Variants in EIF4G3 observed in about 807,000 individuals in gnomAD.
EIF4G3 encodes the protein eIF-4-gamma 3.
EIF4G3 carries 34 observed loss-of-function variants against 186.4 expected under a neutral mutation model. The ratio of observed to expected loss-of-function variants is 0.18; its 90% confidence interval spans 0.14 to 0.24. The LOEUF (loss-of-function observed/expected upper bound fraction) is 0.24. EIF4G3 is among the 10% of genes least tolerant of loss of function. The pLI is 1.00. For synonymous variants in EIF4G3, 673 were observed against 679.5 expected (o/e 0.99, Z 0.15); for missense variants, 1,536 against 1,948.5 (o/e 0.79, Z 3.99).
chr1:20,882,359 C>T (rs34383604), intron 19 of EIF4G3, among the ~76,000 whole-genome samples: 4,250 of 152,214 alleles, frequency 0.028, 91 homozygotes, highest in Middle Eastern at 0.051. Flanking sequence ...GTGGCTCACG[C>T]CTGTAATCCC....
chr1:21,013,561 G>A (rs541511467), intron 4 of EIF4G3, among the ~76,000 whole-genome samples: 1 of 152,182 alleles, frequency 6.6e-6, no homozygotes, highest in African/African-American at 2.4e-5. Flanking sequence ...GATGGGAAGA[G>A]TGGCTTAGTT....
At chr1:21,132,910 G>C (rs2097179331) in intron 2 of EIF4G3, among the ~76,000 whole-genome samples, 1 of 151,902 alleles carries the variant, frequency 6.6e-6, no homozygotes, top group African/African-American at 2.4e-5. Context: ...AGCCTCCCGA[G>C]TATCTAAAAT....
chr1:20,875,174 G>A (rs2080399438), intron 20 of EIF4G3, among the ~76,000 whole-genome samples: 1 of 152,112 alleles, frequency 6.6e-6, no homozygotes, highest in Non-Finnish European at 1.5e-5. Flanking sequence ...TGTAGAGTCA[G>A]AGTCTCATTA....
At chr1:21,069,420 T>C (rs1275181572) in intron 3 of EIF4G3, among the ~76,000 whole-genome samples, 2 of 152,230 alleles carry the variant, frequency 1.3e-5, no homozygotes, top group East Asian at 3.8e-4. Flanking sequence ...ATCACCATCT[T>C]GCCTGGTAAA....
At position 20,969,502 on chromosome 1, in the gene EIF4G3, CT is replaced by C; in HGVS notation, c.685del (p.Arg229AspfsTer56). The C allele has an allele frequency of 1.2e-6, 2 of 1,613,920 alleles. No homozygotes were observed. Among genetic ancestry groups the C allele is most frequent in the Non-Finnish European group, 1.7e-6 (2 of 1,179,874 alleles). ...AGGAGGAGTAGGTGTGGACGTGGGTCTTCCTATGGGTGGAGTAGGATTTCTG... is the reference window on the plus strand; with the variant it reads ...AGGAGGAGTAGGTGTGGACGTGGGTCTCCTATGGGTGGAGTAGGATTTCTG... ...GSRNPTPPIG[R>X]PTSTPTPPQQ... On this transcript the variant is annotated frameshift_variant, in exon 12 of 37. Transcript: ENST00000602326. LOFTEE classifies it high-confidence loss of function.
chr1:20,892,661 T>C, intron 18 of EIF4G3: 2 of 1,536,068 alleles, frequency 1.3e-6, no homozygotes, highest in African/African-American at 2.7e-5. Context: ...ACATCACCAG[T>C]GGAGGGCAAG....
In EIF4G3 at chr1:20,950,036, T is replaced by C; in HGVS notation, c.790A>G (p.Thr264Ala). Residue 264 changes from threonine (T) to alanine (A), a missense_variant, in exon 13 of 37, where the codon ACC (threonine) becomes GCC (alanine). Thr to Ala is a moderately conservative substitution (Grantham distance 58). Transcript: ENST00000602326. ...TGGTCGCTAGCTGCAGTGACAGGGG[T>C]GCTGGCAGCAAGATGAGCGCTCTCC... ...TVESAHLAAS[T>A]PVTAASDQKQ... The C allele has an allele frequency of 6.2e-7, 1 of 1,613,456 alleles. No homozygotes were observed. The highest frequency in any genetic ancestry group is 8.5e-7 in the Non-Finnish European group (1 of 1,179,700).
At chr1:20,896,590 T>C (rs761627342) in intron 16 of EIF4G3, among the ~76,000 whole-genome samples, 20 of 152,098 alleles carry the variant, frequency 1.3e-4, no homozygotes, top group Non-Finnish European at 2.6e-4. Context: ...TAAGCTAAGA[T>C]TAATTCATTA....
intron 3 of EIF4G3, among the ~76,000 whole-genome samples, chr1:21,051,335 T>A (rs542611961): frequency 6.6e-6 from 1 of 151,926 alleles, no homozygotes; most frequent in African/African-American, 2.4e-5. Flanking sequence ...AAATAAATGG[T>A]TGAAAGAGGA....
intron 33 of EIF4G3, among the ~76,000 whole-genome samples, chr1:20,823,376 GTTTA>G (rs2062857739): frequency 6.6e-6 from 1 of 151,840 alleles, no homozygotes; most frequent in Non-Finnish European, 1.5e-5. Context: ...TGTGGCTTTT[GTTTA>G]TTTATTTTAT....
In EIF4G3 at chr1:20,864,051, C is replaced by T. The variant is rs142038786; in HGVS notation, c.3006+425G>A. ...ATTTCTATACCCCTTAAATAGCATA[C>T]ATTATTACAGTATTTTTAATGATTT... On this transcript the variant is annotated intron_variant, in intron 22 of 36. Coordinates refer to ENST00000602326, the MANE Select transcript of EIF4G3 (RefSeq NM_001391906.1). 5.4e-3 allele frequency among the ~76,000 whole-genome samples: 816 copies of T among 152,218 alleles called. 8 individuals are homozygous for T. The highest frequency in any genetic ancestry group is 0.019 in the African/African-American group (783 of 41,522).
intron 2 of EIF4G3, among the ~76,000 whole-genome samples, chr1:21,123,291 G>A (rs944083311): frequency 1.3e-5 from 2 of 151,942 alleles, no homozygotes; most frequent in African/African-American, 2.4e-5. Context: ...GGCCAGATGC[G>A]GTGGCTCAAG....
intron 2 of EIF4G3, chr1:21,111,643 T>TA (rs1458274676): frequency 1.2e-5 from 3 of 254,282 alleles, no homozygotes; most frequent in East Asian, 1.8e-4. Flanking sequence ...GCATGTGAGA[T>TA]AGATATATAC....
chr1:21,053,562 C>T (rs1341604335), intron 3 of EIF4G3, among the ~76,000 whole-genome samples: 2 of 147,112 alleles, frequency 1.4e-5, no homozygotes, highest in African/African-American at 5.0e-5. Context: ...CAGCCCCCCG[C>T]CCGGCCAGCC....
intron 3 of EIF4G3, among the ~76,000 whole-genome samples, chr1:21,079,804 G>A (rs1401467949): frequency 2.0e-5 from 3 of 149,728 alleles, no homozygotes; most frequent in Admixed American, 2.0e-4. Flanking sequence ...CCTGACATTA[G>A]AGACCAGCCT....
chr1:20,940,991 A>G (rs984030953), intron 14 of EIF4G3, among the ~76,000 whole-genome samples: 3 of 152,264 alleles, frequency 2.0e-5, no homozygotes, highest in Non-Finnish European at 4.4e-5. Flanking sequence ...ACAGCATTAT[A>G]TTTTCAAAAA....
intron 33 of EIF4G3, 143 bp from the exon 34 acceptor site, chr1:20,817,681 GTTTT>G (rs34471464): frequency 8.6e-3 from 1,293 of 149,594 alleles, no homozygotes; most frequent in East Asian, 0.018. Flanking sequence ...TATGTTTGTA[GTTTT>G]TTTTTTTTTT....
At chr1:21,043,964 T>C (rs2093727951) in intron 4 of EIF4G3, among the ~76,000 whole-genome samples, 1 of 151,604 alleles carries the variant, frequency 6.6e-6, no homozygotes, top group African/African-American at 2.4e-5. Flanking sequence ...TTTATAAATA[T>C]GGTTGCAACT....
intron 8 of EIF4G3, among the ~76,000 whole-genome samples, chr1:20,981,516 T>TATAC (rs980083657): frequency 3.0e-5 from 4 of 132,990 alleles, no homozygotes; most frequent in African/African-American, 3.4e-5. Flanking sequence ...ATACTGTATA[T>TATAC]ATACATACAT....
Sources: gnomAD v4.1 joint callset for allele counts (sites outside exome capture counted in the v4.1 genomes callset) on GRCh38, gnomAD v4.1.1 for gene constraint, MANE v1.5 for transcripts, NCBI Gene and HGNC (gene_info 2026-07-23, HGNC 2026-07-21) for gene names.